KANSL1L: variants seen among roughly 807,000 people sequenced by gnomAD.
The protein encoded by KANSL1L is KAT8 regulatory NSL complex subunit 1-like protein.
Under a neutral mutation model 108.6 loss-of-function variants are expected in KANSL1L, and 25 were observed. The observed-to-expected ratio is 0.23, with a 90% confidence interval of 0.17 to 0.32. The LOEUF (loss-of-function observed/expected upper bound fraction) is 0.32, where lower values mean the gene tolerates loss of function less well. KANSL1L is among the 10% of genes least tolerant of loss of function. The pLI is 1.00. For synonymous variants in KANSL1L, 405 were observed against 395.1 expected, an observed-to-expected ratio of 1.03 and a Z score of -0.30; for missense variants, 1,137 against 1,125.7, an observed-to-expected ratio of 1.01 and a Z score of -0.14.
Position 210,022,003 on chromosome 2 carries a change from C to CTTTTTTTT in KANSL1L, c.*938_*945dup, listed in dbSNP as rs553479918. The CTTTTTTTT allele has an allele frequency of 7.4e-6, 1 of 134,682 alleles. No homozygotes were observed. The highest frequency in any genetic ancestry group is 2.7e-5 in the African/African-American group (1 of 36,638). The allele number at this position is 134,682 out of a possible 1,614,324, so 8.3% of individuals were successfully genotyped here. The stretch of plus-strand genomic sequence containing the variant: ...CTTGCTAATCTAGAAATACAATCAT[C>CTTTTTTTT]TTTTTTTTTTTTTTCAAATTTTATA... On this transcript the variant is annotated 3_prime_UTR_variant, in exon 15 of 15. Coordinates refer to ENST00000281772, the MANE Select transcript of KANSL1L (RefSeq NM_152519.4).
At chr2:210,150,344 T>C (rs906461134) in intron 2 of KANSL1L, among the ~76,000 whole-genome samples, 2 of 152,222 alleles carry the variant, frequency 1.3e-5, no homozygotes, top group Admixed American at 1.3e-4. Flanking sequence ...AAAAAAAATT[T>C]TTTTTCTATC....
At chr2:210,052,957 C>T (rs776114458) in intron 6 of KANSL1L, among the ~76,000 whole-genome samples, 1 of 152,214 alleles carries the variant, frequency 6.6e-6, no homozygotes, top group Non-Finnish European at 1.5e-5. Context: ...ATTTTGCATA[C>T]ATCAGCTTTG....
intron 8 of KANSL1L, among the ~76,000 whole-genome samples, chr2:210,039,120 A>C (rs1246871951): frequency 6.6e-6 from 1 of 151,954 alleles, no homozygotes; most frequent in East Asian, 1.9e-4. Flanking sequence ...TCTTCTAAAA[A>C]TGTAATTGGC....
At chr2:210,023,459 A>C (rs2093889710) in intron 14 of KANSL1L, among the ~76,000 whole-genome samples, 1 of 152,194 alleles carries the variant, frequency 6.6e-6, no homozygotes, top group Non-Finnish European at 1.5e-5. Flanking sequence ...ACTTTGGGAA[A>C]GTGTTCTTAG....
intron 3 of KANSL1L, among the ~76,000 whole-genome samples, chr2:210,114,979 G>A (rs994337562): frequency 1.3e-5 from 2 of 151,726 alleles, no homozygotes; most frequent in Non-Finnish European, 2.9e-5. Context: ...AAACATTTCA[G>A]TGTCAAAAAA....
chr2:210,028,470 C>T (rs11889168), intron 11 of KANSL1L: 7,278 of 130,814 alleles, frequency 0.056, 597 homozygotes, highest in African/African-American at 0.19. Context: ...CCCATGAAAA[C>T]GTAGAACTCT....
At chr2:210,156,638 T>G (rs1433216739) in intron 1 of KANSL1L, among the ~76,000 whole-genome samples, 4 of 152,122 alleles carry the variant, frequency 2.6e-5, no homozygotes, top group Non-Finnish European at 4.4e-5. Flanking sequence ...CATTTGTGTC[T>G]GTTTGCAAGA....
chr2:210,052,322 G>A (rs2094302567), intron 6 of KANSL1L, among the ~76,000 whole-genome samples: 1 of 151,992 alleles, frequency 6.6e-6, no homozygotes, highest in African/African-American at 2.4e-5. Flanking sequence ...ATTTCTAAAG[G>A]CACTTTTTTT....
At chr2:210,043,906 T>C in intron 7 of KANSL1L, 33 bp downstream of exon 7, 1 of 1,416,166 alleles carries the variant, frequency 7.1e-7, no homozygotes, top group African/African-American at 1.5e-5. Flanking sequence ...ACAGAAAATA[T>C]CGTTACTTAG....
intron 5 of KANSL1L, among the ~76,000 whole-genome samples, chr2:210,091,273 T>A (rs1460751130): frequency 6.6e-6 from 1 of 152,216 alleles, no homozygotes; most frequent in Non-Finnish European, 1.5e-5. Flanking sequence ...TTAGGATGAA[T>A]AATGTCATTT....
chr2:210,036,985 G>A (rs1448960299), intron 8 of KANSL1L, among the ~76,000 whole-genome samples: 1 of 151,966 alleles, frequency 6.6e-6, no homozygotes, highest in African/African-American at 2.4e-5. Context: ...TTGAACTCTG[G>A]GCTCAAGCGA....
chr2:210,137,295 T>C (rs1476360858), intron 2 of KANSL1L, among the ~76,000 whole-genome samples: 1 of 152,210 alleles, frequency 6.6e-6, no homozygotes, highest in African/African-American at 2.4e-5. Context: ...TCTATAGGAC[T>C]TTTAGCATTT....
chr2:210,153,333 G>A (rs1379772276), intron 2 of KANSL1L, 162 bp downstream of exon 2: 14 of 581,680 alleles, frequency 2.4e-5, no homozygotes, highest in Middle Eastern at 4.6e-4. Context: ...CAGCCTGGGC[G>A]ACAGAGCGAG....
intron 13 of KANSL1L, among the ~76,000 whole-genome samples, chr2:210,024,476 T>C (rs980430988): frequency 6.6e-6 from 1 of 152,138 alleles, no homozygotes; most frequent in Admixed American, 6.6e-5. Context: ...GTCTGACTAA[T>C]TAAATGAAAG....
intron 6 of KANSL1L, among the ~76,000 whole-genome samples, chr2:210,045,207 T>C (rs1206946829): frequency 6.6e-6 from 1 of 152,226 alleles, no homozygotes; most frequent in East Asian, 1.9e-4. Flanking sequence ...GTGCATGTTT[T>C]ATATTTCATT....
intron 10 of KANSL1L, 109 bp from the exon 11 acceptor site, chr2:210,029,078 A>G (rs2093978670): frequency 1.1e-6 from 1 of 916,162 alleles, no homozygotes; most frequent in Non-Finnish European, 1.6e-6. Flanking sequence ...TAATTTTTGT[A>G]AATACATTGT....
In KANSL1L at chr2:210,142,238, A is replaced by G. The variant is rs1242247508; in HGVS notation, c.1088+11257T>C. 2.6e-5 allele frequency among the ~76,000 whole-genome samples: 4 copies of G among 151,866 alleles called. No individual in the cohort carries two copies. In the East Asian group the frequency reaches 5.8e-4, roughly 22 times the overall value. ...TTCTTCATGATTCATGTTAGATTCT[A>G]TGTGTCTAGGAATTTATACATTTTT... On this transcript the variant is annotated intron_variant, in intron 2 of 14. Transcript: ENST00000281772.
chr2:210,164,062 G>A (rs2095374566), intron 1 of KANSL1L, among the ~76,000 whole-genome samples: 1 of 152,126 alleles, frequency 6.6e-6, no homozygotes, highest in Non-Finnish European at 1.5e-5. Flanking sequence ...GGCTACATAT[G>A]TAATTTTAAA....
chr2:210,037,825 C>T (rs1422215804), intron 8 of KANSL1L, among the ~76,000 whole-genome samples: 1 of 152,052 alleles, frequency 6.6e-6, no homozygotes, highest in Non-Finnish European at 1.5e-5. Flanking sequence ...GCAAAATTAA[C>T]AATAATTCAT....
Sources: allele counts gnomAD v4.1 joint callset (sites outside exome capture counted in the v4.1 genomes callset), GRCh38; gene constraint gnomAD v4.1.1; transcripts MANE v1.5; gene names NCBI Gene and HGNC (gene_info 2026-07-23, HGNC 2026-07-21).